RPSA2: variants seen among roughly 807,000 people sequenced by gnomAD.
RPSA2 encodes ribosomal protein SA 2.
At chr19:23,764,390 A>G in the RPSA2 span, among the ~76,000 whole-genome samples, 3 of 152,216 alleles carry the variant, frequency 2.0e-5, no homozygotes, top group African/African-American at 7.2e-5. Flanking sequence ...TTTGTCCTTT[A>G]TTGTGCATTT....
chr19:23,857,392 G>A, the RPSA2 span, among the ~76,000 whole-genome samples: 4 of 151,746 alleles, frequency 2.6e-5, no homozygotes, highest in South Asian at 2.1e-4. Context: ...TTCCTCTACC[G>A]TGGCTCCAGC....
chr19:23,832,706 G>A, the RPSA2 span: 1 of 1,515,470 alleles, frequency 6.6e-7, no homozygotes, highest in Non-Finnish European at 8.9e-7. Context: ...ATGCACACTG[G>A]AGAGAAACCC....
At chr19:23,866,899 C>A in the RPSA2 span, among the ~76,000 whole-genome samples, 3 of 152,156 alleles carry the variant, frequency 2.0e-5, no homozygotes, top group African/African-American at 7.2e-5. Context: ...CCTTAACTTG[C>A]AAGGCATCAC....
chr19:23,769,822 G>A, the RPSA2 span, among the ~76,000 whole-genome samples: 11 of 152,286 alleles, frequency 7.2e-5, no homozygotes, highest in Admixed American at 5.2e-4. Context: ...TGCACACATT[G>A]TGTGTTGAGA....
chr19:23,761,728 G>A, the RPSA2 span, among the ~76,000 whole-genome samples: 2 of 151,748 alleles, frequency 1.3e-5, no homozygotes, highest in African/African-American at 2.4e-5. Flanking sequence ...AGGACAGTTG[G>A]CCATGTTCAA....
the RPSA2 span, chr19:23,827,912 G>A: frequency 2.2e-6 from 2 of 898,948 alleles, no homozygotes; most frequent in Non-Finnish European, 3.6e-6. Context: ...CTGGTCTGAA[G>A]GTGTACAGGT....
At chr19:23,783,644 A>G in the RPSA2 span, among the ~76,000 whole-genome samples, 3 of 151,952 alleles carry the variant, frequency 2.0e-5, no homozygotes, top group South Asian at 6.2e-4. Context: ...ATTGTGACAT[A>G]TCACTGAAGC....
chr19:23,857,293 A>G, the RPSA2 span, among the ~76,000 whole-genome samples: 1 of 152,136 alleles, frequency 6.6e-6, no homozygotes, highest in African/African-American at 2.4e-5. Context: ...AGATAACATG[A>G]TTAAGAGATT....
the RPSA2 span, among the ~76,000 whole-genome samples, chr19:23,862,588 G>A: frequency 2.6e-5 from 4 of 152,202 alleles, no homozygotes; most frequent in African/African-American, 9.6e-5. Context: ...TTAGCATGAA[G>A]GGTTGTTGAA....
chr19:23,852,307 T>C, the RPSA2 span, among the ~76,000 whole-genome samples: 1 of 150,748 alleles, frequency 6.6e-6, no homozygotes, highest in Non-Finnish European at 1.5e-5. Flanking sequence ...CCAGCTCGGT[T>C]GGGGAGACCC....
chr19:23,809,711 T>G, the RPSA2 span, among the ~76,000 whole-genome samples: 1 of 137,380 alleles, frequency 7.3e-6, no homozygotes, highest in Non-Finnish European at 1.5e-5. Flanking sequence ...TATTTTTAGT[T>G]TAAACAAGTT....
the RPSA2 span, among the ~76,000 whole-genome samples, chr19:23,764,611 C>G: frequency 6.6e-6 from 1 of 151,966 alleles, no homozygotes; most frequent in African/African-American, 2.4e-5. Flanking sequence ...TCCCAAGTAG[C>G]TGGGATTATA....
chr19:23,780,138 CCT>C, the RPSA2 span, among the ~76,000 whole-genome samples: 1 of 152,142 alleles, frequency 6.6e-6, no homozygotes, highest in East Asian at 1.9e-4. Context: ...TCCCAGGTCT[CCT>C]CTCTGTATGA....
the RPSA2 span, among the ~76,000 whole-genome samples, chr19:23,807,127 A>G: frequency 6.6e-6 from 1 of 152,114 alleles, no homozygotes; most frequent in Non-Finnish European, 1.5e-5. Context: ...AAGTATCTTT[A>G]TGCAGCTGAT....
the RPSA2 span, among the ~76,000 whole-genome samples, chr19:23,775,563 C>T: frequency 6.6e-6 from 1 of 152,200 alleles, no homozygotes; most frequent in South Asian, 2.1e-4. Flanking sequence ...GGTTTTCACA[C>T]TCATGCACAC....
At chr19:23,857,970 G>C in the RPSA2 span, among the ~76,000 whole-genome samples, 1 of 151,886 alleles carries the variant, frequency 6.6e-6, no homozygotes, top group African/African-American at 2.4e-5. Context: ...TTTTATTTTA[G>C]AATTTACATT....
the RPSA2 span, among the ~76,000 whole-genome samples, chr19:23,769,960 C>CA: frequency 6.2e-4 from 94 of 152,094 alleles, no homozygotes; most frequent in Admixed American, 1.3e-3. Context: ...CTGGGAACTG[C>CA]AAAAAAAGTA....
At chr19:23,845,596 A>G in the RPSA2 span, among the ~76,000 whole-genome samples, 1 of 152,110 alleles carries the variant, frequency 6.6e-6, no homozygotes, top group Non-Finnish European at 1.5e-5. Flanking sequence ...TGCTCAAGTG[A>G]TCTTTTTATC....
At chr19:23,866,520 C>CT in the RPSA2 span, among the ~76,000 whole-genome samples, 16 of 147,670 alleles carry the variant, frequency 1.1e-4, no homozygotes, top group African/African-American at 3.9e-4. Flanking sequence ...GGTGCCCCCC[C>CT]CCGCCCAGTG....
Sources: gnomAD v4.1 joint callset for allele counts (sites outside exome capture counted in the v4.1 genomes callset) on GRCh38, gnomAD v4.1.1 for gene constraint, MANE v1.5 for transcripts, NCBI Gene and HGNC (gene_info 2026-07-23, HGNC 2026-07-21) for gene names.